The following DZIP3 variants were observed in gnomAD, a reference collection of about 807,000 sequenced individuals.
The protein encoded by DZIP3 is E3 ubiquitin-protein ligase DZIP3.
Under a neutral mutation model 162.0 loss-of-function variants are expected in DZIP3, and 118 were observed. The ratio of observed to expected loss-of-function variants is 0.73; its 90% CI spans 0.63 to 0.85. The LOEUF (loss-of-function observed/expected upper bound fraction) is 0.85, where lower values mean the gene tolerates loss of function less well. Ranked by LOEUF, DZIP3 falls within the 40% of genes least tolerant of loss-of-function variation. DZIP3 has a pLI of 0.00. For missense variants in DZIP3, 1,331 were observed against 1,407.0 expected (o/e 0.95, Z 0.86); for synonymous variants, 438 against 458.6 (o/e 0.96, Z 0.57).
In DZIP3 at chr3:108,626,120, T is replaced by C. The variant is rs1941580195; in HGVS notation, c.581+151T>C. Reference sequence around the variant, plus strand: ...TGCCTATTTGTATAGATAATTTCTTTAATGTAGTTGAGAATATTAAATAGC... The same window carrying C: ...TGCCTATTTGTATAGATAATTTCTTCAATGTAGTTGAGAATATTAAATAGC... On this transcript the variant is annotated intron_variant, in intron 7 of 32. Coordinates refer to ENST00000361582, the MANE Select transcript of DZIP3 (RefSeq NM_014648.4). 6 of 922,092 alleles carry C rather than the reference T, an allele frequency of 6.5e-6. 1 individual carries two copies. The Admixed American group carries it at 1.6e-4, about 24-fold the overall frequency. The allele number at this position is 922,092 out of a possible 1,614,324, so 57.1% of individuals were successfully genotyped here.
chr3:108,668,925 C>A (rs1385938339), intron 21 of DZIP3, among the ~76,000 whole-genome samples: 1 of 151,914 alleles, frequency 6.6e-6, no homozygotes, highest in Non-Finnish European at 1.5e-5. Flanking sequence ...TATTATAAAT[C>A]TTTTCATATT....
intron 27 of DZIP3, among the ~76,000 whole-genome samples, chr3:108,684,617 G>A (rs2107416094): frequency 6.6e-6 from 1 of 152,268 alleles, no homozygotes; most frequent in East Asian, 1.9e-4. Flanking sequence ...AGGCAACAAT[G>A]CAGGGTAAAT....
intron 2 of DZIP3, among the ~76,000 whole-genome samples, chr3:108,607,246 C>T (rs1426325438): frequency 4.0e-5 from 6 of 151,896 alleles, no homozygotes; most frequent in Non-Finnish European, 8.8e-5. Flanking sequence ...TTTATCTGTC[C>T]CAATTTACCC....
At chr3:108,672,523 T>C (rs765909320) in intron 22 of DZIP3, 37 bp from the exon 23 acceptor site, 1 of 1,524,792 alleles carries the variant, frequency 6.6e-7, no homozygotes, top group Admixed American at 1.7e-5. Context: ...CTCTGCTTGA[T>C]GTAATATTGC....
chr3:108,660,019 C>G (rs1273448056), intron 19 of DZIP3, among the ~76,000 whole-genome samples: 1 of 152,176 alleles, frequency 6.6e-6, no homozygotes, highest in East Asian at 1.9e-4. Flanking sequence ...ACATTCCATG[C>G]TCATGGGTAG....
chr3:108,654,268 C>T lies in DZIP3; in HGVS notation c.2157C>T (p.Phe719=). The change falls in exon 19 of 33, where the codon TTC becomes TTT. Residue 719 remains phenylalanine, a synonymous_variant. Coordinates refer to ENST00000361582, the MANE Select transcript of DZIP3 (RefSeq NM_014648.4). The part of the protein sequence containing the change: ...VQEDSAMEDK[F]YSLDELHILD... ...AGGATTCTGCAATGGAAGACAAGTT[C>T]TATAGCCTGGATGAATTGCATATTC... 1 of 1,613,724 alleles carries T rather than the reference C, an allele frequency of 6.2e-7. No individual in the cohort carries two copies. Among genetic ancestry groups the T allele is most frequent in the South Asian group, 1.1e-5 (1 of 91,066 alleles).
At chr3:108,602,507 C>T (rs1252975067) in intron 1 of DZIP3, among the ~76,000 whole-genome samples, 1 of 152,074 alleles carries the variant, frequency 6.6e-6, no homozygotes, top group African/African-American at 2.4e-5. Flanking sequence ...CCAACAAGGA[C>T]CTAAATAGAT....
chr3:108,661,934 C>A lies in DZIP3; in HGVS notation c.2257C>A (p.Arg753Ser), dbSNP rs761929070. Residue 753 changes from arginine to serine, a missense_variant, in exon 20 of 33, where the codon CGT becomes AGT. Physicochemically the swap from Arg to Ser is moderately radical, Grantham distance 110. This residue lies in a region of DZIP3 where 1,278 missense variants were observed against 1,317.1 expected (regional missense o/e 0.97). Coordinates refer to ENST00000361582, the MANE Select transcript of DZIP3 (RefSeq NM_014648.4). Reference sequence around the variant, plus strand: ...AGAAACTGAAAAGGAAAGGCTTGCTCGTCAAAGGCAGCTTTATAAATTGCA... The same window carrying A: ...AGAAACTGAAAAGGAAAGGCTTGCTAGTCAAAGGCAGCTTTATAAATTGCA... ...YGETEKERLA[R>S]QRQLYKLHYQ... is the part of the protein sequence containing the mutation. The A allele has an allele frequency of 3.7e-6, 6 of 1,613,760 alleles. No individual in the cohort carries two copies. Among genetic ancestry groups the A allele is most frequent in the Admixed American group, 1.7e-5 (1 of 59,990 alleles).
At chr3:108,590,557 G>A (rs1393545325) in intron 1 of DZIP3, among the ~76,000 whole-genome samples, 2 of 152,230 alleles carry the variant, frequency 1.3e-5, no homozygotes, top group African/African-American at 2.4e-5. Context: ...CAATTATAGA[G>A]CGTGTAACAT....
At position 108,690,781 on chromosome 3, in the gene DZIP3, C is replaced by T. The variant is rs751408371; in HGVS notation, c.3517-6C>T. 6.2e-6 allele frequency: 10 copies of T among 1,612,904 alleles called. No homozygotes were observed. The East Asian group carries it at 2.2e-4, about 36-fold the overall frequency. On this transcript the variant is annotated splice_polypyrimidine_tract_variant and splice_region_variant and intron_variant, in intron 31 of 32. Transcript: ENST00000361582. ...AGAGACTGACATAAATCTTTTTGCT[C>T]CTTAGTGCATTAGACCATGGTTGAT...
Position 108,686,588 on chromosome 3 carries a change from C to T in DZIP3, c.3149+4C>T, listed in dbSNP as rs746455905. On this transcript the variant is annotated splice_donor_region_variant and intron_variant, in intron 28 of 32. Transcript: ENST00000361582. ...CTGCCTTTCCACAGCAAACCAGGTA[C>T]CTTAGTTTTTATTTATTGGTGGGTA... 5 of 1,594,752 alleles carry T rather than the reference C, an allele frequency of 3.1e-6. No homozygotes were observed. The South Asian group carries it at 5.7e-5, about 18-fold the overall frequency.
intron 22 of DZIP3, among the ~76,000 whole-genome samples, chr3:108,670,397 A>C (rs1943883912): frequency 6.6e-6 from 1 of 151,942 alleles, no homozygotes; most frequent in Non-Finnish European, 1.5e-5. Flanking sequence ...TATAATATGT[A>C]GCCTCTTGTG....
At chr3:108,689,486 A>C (rs955939763) in intron 31 of DZIP3, among the ~76,000 whole-genome samples, 7 of 152,144 alleles carry the variant, frequency 4.6e-5, no homozygotes, top group Non-Finnish European at 8.8e-5. Context: ...GATCGAGACC[A>C]TCCTGGCTAA....
At chr3:108,655,533 G>A (rs1272092066) in intron 19 of DZIP3, among the ~76,000 whole-genome samples, 2 of 152,158 alleles carry the variant, frequency 1.3e-5, no homozygotes, top group African/African-American at 2.4e-5. Context: ...CAAGATGGCT[G>A]AATAGGAACA....
chr3:108,661,993 A>G (rs1255963413), intron 20 of DZIP3, 21 bp downstream of exon 20: 2 of 1,607,236 alleles, frequency 1.2e-6, no homozygotes, highest in East Asian at 2.2e-5. Flanking sequence ...TTGCCATTAG[A>G]TCTGATGGAA....
intron 5 of DZIP3, 96 bp from the exon 6 acceptor site, chr3:108,624,348 A>G (rs1354462539): frequency 9.2e-6 from 6 of 652,982 alleles, no homozygotes; most frequent in African/African-American, 1.9e-5. Flanking sequence ...ACTTGTTTTA[A>G]TAATTATTAA....
chr3:108,684,397 G>A, intron 27 of DZIP3, 56 bp downstream of exon 27: 3 of 1,568,472 alleles, frequency 1.9e-6, no homozygotes, highest in East Asian at 2.3e-5. Flanking sequence ...ACTCTAGTGG[G>A]CTTCCTGAAT....
intron 4 of DZIP3, 112 bp downstream of exon 4, chr3:108,611,441 C>A: frequency 7.7e-7 from 1 of 1,302,424 alleles, no homozygotes; most frequent in Non-Finnish European, 1.1e-6. Flanking sequence ...AAAAAAATCT[C>A]CATCTTACTT....
At chr3:108,663,306 C>T (rs759043435) in intron 21 of DZIP3, among the ~76,000 whole-genome samples, 1 of 152,150 alleles carries the variant, frequency 6.6e-6, no homozygotes, top group Non-Finnish European at 1.5e-5. Context: ...CCTGTAATCC[C>T]AGCACTTTGG....
Sources: allele counts gnomAD v4.1 joint callset (sites outside exome capture counted in the v4.1 genomes callset), GRCh38; gene constraint gnomAD v4.1.1; regional missense constraint gnomAD v4.1.1; transcripts MANE v1.5; gene names NCBI Gene and HGNC (gene_info 2026-07-23, HGNC 2026-07-21).